TTC14: variants seen among roughly 807,000 people sequenced by gnomAD.
The protein encoded by TTC14 is tetratricopeptide repeat protein 14.
A neutral mutation model predicts 79.9 loss-of-function variants in TTC14; 63 were observed. The ratio of observed to expected loss-of-function variants is 0.79; its 90% CI spans 0.64 to 0.97. The LOEUF is 0.97. TTC14 is among the 50% of genes least tolerant of loss of function. The pLI, the probability that TTC14 is intolerant of heterozygous loss-of-function variation, is 0.00. For missense variants in TTC14, 895 were observed against 894.0 expected (o/e 1.00, Z -0.01); for synonymous variants, 335 against 309.6 (o/e 1.08, Z -0.86).
intron 1 of TTC14, 40 bp downstream of exon 1, chr3:180,602,462 A>T (rs775515346): frequency 1.3e-6 from 2 of 1,553,080 alleles, no homozygotes; most frequent in South Asian, 2.3e-5. Context: ...GGAAGAGGGG[A>T]CGCAGCTCTG....
downstream of TTC14, chr3:180,614,247 T>C (rs1207828983): frequency 6.3e-6 from 1 of 158,410 alleles, no homozygotes; most frequent in Admixed American, 6.2e-5. Flanking sequence ...TGGCTGTATC[T>C]GAAAGCAAAT....
chr3:180,602,207 A>C lies in TTC14; in HGVS notation c.-55A>C, dbSNP rs200543188. ...CTGTACCACCCGGCTCAAGTAGCGG[A>C]CACGGAACAGGGAACTATCAGCCCG... is the stretch of plus-strand genomic sequence containing the variant. On this transcript the variant is annotated 5_prime_UTR_variant, in exon 1 of 12. Coordinates refer to ENST00000296015, the MANE Select transcript of TTC14 (RefSeq NM_133462.4). 1.3e-6 allele frequency: 2 copies of C among 1,593,668 alleles called. No individual in the cohort carries two copies. Among genetic ancestry groups the C allele is most frequent in the Non-Finnish European group, 8.5e-7 (1 of 1,169,978 alleles).
downstream of TTC14, among the ~76,000 whole-genome samples, chr3:180,615,966 G>T (rs1257198924): frequency 6.6e-6 from 1 of 152,126 alleles, no homozygotes; most frequent in Admixed American, 6.6e-5. Context: ...CAACTTGGGG[G>T]TTCACCCCCA....
In TTC14 at chr3:180,610,206, A is replaced by G. The variant is rs1417937196; in HGVS notation, c.1977A>G (p.Arg659=). Residue 659 remains arginine (R), a synonymous_variant, in exon 12 of 12, where the codon AGA becomes AGG. Transcript: ENST00000296015. The part of the protein sequence containing the change: ...KDIEGRKEHY[R]RWEPGSVRHS... Reference sequence around the variant, plus strand: ...TAGAGGGAAGAAAAGAGCACTATAGAAGGTGGGAACCAGGTTCTGTGAGGC... The same window carrying G: ...TAGAGGGAAGAAAAGAGCACTATAGGAGGTGGGAACCAGGTTCTGTGAGGC... 2 of 1,614,030 alleles carry G rather than the reference A, an allele frequency of 1.2e-6. No individual in the cohort carries two copies. The highest frequency in any genetic ancestry group is 2.7e-5 in the African/African-American group (2 of 75,048).
chr3:180,609,030 T>A, intron 11 of TTC14: 6 of 1,031,962 alleles, frequency 5.8e-6, no homozygotes, highest in Non-Finnish European at 7.1e-6. Flanking sequence ...TATCTTAGAA[T>A]TAAAATATAG....
intron 2 of TTC14, 53 bp downstream of exon 2, chr3:180,603,068 A>G: frequency 6.2e-7 from 1 of 1,610,888 alleles, no homozygotes; most frequent in Non-Finnish European, 8.5e-7. Flanking sequence ...ACAGTACTTC[A>G]GGTGAAACGG....
In TTC14 at chr3:180,609,622, T is replaced by A; in HGVS notation, c.1401-8T>A. ...GTATATATATGACAAATGAACTGTT[T>A]TTTTTAGGCTAAAGAAGAAAAGAAG... On this transcript the variant is annotated splice_region_variant and splice_polypyrimidine_tract_variant and intron_variant, in intron 11 of 11. Coordinates refer to ENST00000296015, the MANE Select transcript of TTC14 (RefSeq NM_133462.4). The A allele has an allele frequency of 6.5e-7, 1 of 1,535,772 alleles. No homozygotes were observed. Among genetic ancestry groups the A allele is most frequent in the Non-Finnish European group, 8.7e-7 (1 of 1,148,288 alleles).
chr3:180,610,004 G>A lies in TTC14; in HGVS notation c.1775G>A (p.Gly592Asp). 1.2e-6 allele frequency: 2 copies of A among 1,614,016 alleles called. No homozygotes were observed. The highest frequency in any genetic ancestry group is 1.7e-6 in the Non-Finnish European group (2 of 1,179,938). ...SSLEIPDDFG[G>D]RSEDPRDFYN... ...CTTGAAATACCGGATGATTTTGGAG[G>A]TAGGTCTGAAGATCCAAGAGATTTT... Residue 592 changes from glycine to aspartate, a missense_variant, in exon 12 of 12, where the codon GGT becomes GAT. Physicochemically the swap from Gly to Asp is moderately conservative, Grantham distance 94 (BLOSUM62 -1). Coordinates refer to ENST00000296015, the MANE Select transcript of TTC14 (RefSeq NM_133462.4).
Position 180,610,123 on chromosome 3 carries a change from T to G in TTC14, c.1894T>G (p.Ser632Ala). The G allele has an allele frequency of 6.2e-7, 1 of 1,613,094 alleles. No homozygotes were observed. ...TTCCAGTAGAAGAAATTCCTCAGAT[T>G]CCTTCTGTAGGAATTCAGAGGACAA... ...HFSSRRNSSDSFCRNSEDKIY... is the reference protein window; with the variant it reads ...HFSSRRNSSDAFCRNSEDKIY... The change falls in exon 12 of 12, where the codon TCC (serine) becomes GCC (alanine). Residue 632 changes from serine (S) to alanine (A), a missense_variant. Coordinates refer to ENST00000296015, the MANE Select transcript of TTC14 (RefSeq NM_133462.4).
In TTC14 at chr3:180,610,527, T is replaced by TAA. The variant is rs1716946238; in HGVS notation, c.2299_2300dup (p.Lys769GlnfsTer29). The TAA allele has an allele frequency of 6.4e-7, 1 of 1,571,586 alleles. No individual in the cohort carries two copies. ...CTGAATTTGAAAAAGAAAAAGGAAA[T>TAA]AAGTCAAAAAATTAATACACCAAGG... On this transcript the variant is annotated frameshift_variant, in exon 12 of 12. Coordinates refer to ENST00000296015, the MANE Select transcript of TTC14 (RefSeq NM_133462.4). LOFTEE classifies it high-confidence loss of function.
chr3:180,617,203 G>T (rs1717278853), intron 12 of TTC14, among the ~76,000 whole-genome samples: 1 of 152,038 alleles, frequency 6.6e-6, no homozygotes, highest in Admixed American at 6.6e-5. Context: ...ATTGTAATGT[G>T]GCACAATACA....
At position 180,610,542 on chromosome 3, in the gene TTC14, A is replaced by G; in HGVS notation, c.2313A>G (p.Ter771=). ...EKEKGNKSKN[*] ...AAAAAGGAAATAAGTCAAAAAATTA[A>G]TACACCAAGGATATCGGCACCATTA... The change falls in exon 12 of 12, where the codon TAA becomes TAG. Residue 771 remains the stop codon, a stop_retained_variant. Coordinates refer to ENST00000296015, the MANE Select transcript of TTC14 (RefSeq NM_133462.4). 2 of 1,564,008 alleles carry G rather than the reference A, an allele frequency of 1.3e-6. No homozygotes were observed. The highest frequency in any genetic ancestry group is 2.2e-5 in the East Asian group (1 of 44,654).
Position 180,602,165 on chromosome 3 carries a change from A to T in TTC14, c.-97A>T. ...TCTGTGTACTTCCGGCAGCCTCCAGACAGTTTCTTCCGCTTCCTGTACCAC... is the reference window on the plus strand; with the variant it reads ...TCTGTGTACTTCCGGCAGCCTCCAGTCAGTTTCTTCCGCTTCCTGTACCAC... On this transcript the variant is annotated 5_prime_UTR_variant, in exon 1 of 12. Transcript: ENST00000296015. 2.0e-6 allele frequency: 3 copies of T among 1,490,116 alleles called. No homozygotes were observed. The highest frequency in any genetic ancestry group is 2.7e-6 in the Non-Finnish European group (3 of 1,100,306). 92.3% of individuals were successfully genotyped at this position (1,490,116 alleles called of 1,614,324 possible).
chr3:180,609,950 AAGAT>A lies in TTC14; in HGVS notation c.1726_1729del (p.Arg576AlafsTer75), dbSNP rs1716901398. 1.2e-6 allele frequency: 2 copies of A among 1,614,040 alleles called. No individual in the cohort carries two copies. Among genetic ancestry groups the A allele is most frequent in the Non-Finnish European group, 1.7e-6 (2 of 1,179,944 alleles). ...TATGAAAAGACACAGATAAAAGAGA[AAGAT>A]AGATGCCCTCTCTCTTCATCTTCAC... On this transcript the variant is annotated frameshift_variant, in exon 12 of 12. Transcript: ENST00000296015. LOFTEE classifies it high-confidence loss of function.
Position 180,616,509 on chromosome 3 carries a change from G to T in TTC14, c.1775-871G>T, listed in dbSNP as rs753859178. On this transcript the variant is annotated intron_variant, in intron 12 of 12. Transcript: ENST00000382584. ...TAAGAAATATTTAATAGAAGGTGCT[G>T]TATTACCTGTTGAAAGTATGTTTGA... is the stretch of plus-strand genomic sequence containing the variant. 9 of 1,536,222 alleles carry T rather than the reference G, an allele frequency of 5.9e-6. No individual in the cohort carries two copies. The highest frequency in any genetic ancestry group is 1.8e-4 in the Middle Eastern group (1 of 5,608).
At chr3:180,605,739 C>T in intron 6 of TTC14, 27 bp from the exon 7 acceptor site, 1 of 1,538,086 alleles carries the variant, frequency 6.5e-7, no homozygotes, top group Non-Finnish European at 8.8e-7. Flanking sequence ...TGTGGTTTAA[C>T]TTTTTAATTT....
chr3:180,604,439 C>T (rs777465373), intron 4 of TTC14, 39 bp from the exon 5 acceptor site: 1 of 1,564,468 alleles, frequency 6.4e-7, no homozygotes, highest in South Asian at 1.2e-5. Flanking sequence ...TTTACATTTT[C>T]TTACTAATCA....
At chr3:180,608,549 TTA>T in intron 10 of TTC14, 150 bp from the exon 11 acceptor site, 1 of 1,260,672 alleles carries the variant, frequency 7.9e-7, no homozygotes, top group Non-Finnish European at 1.0e-6. Flanking sequence ...ACTAATTTTT[TTA>T]TGTTAAAAAA....
rs753301022 is a variant in TTC14, at chr3:180,608,787, T to C, written c.1377T>C (p.Arg459=). The C allele has an allele frequency of 1.8e-5, 28 of 1,552,700 alleles. No homozygotes were observed. Among genetic ancestry groups the C allele is most frequent in the Non-Finnish European group, 2.3e-5 (27 of 1,154,650 alleles). Residue 459 remains arginine, a synonymous_variant, in exon 11 of 12, where the codon CGT becomes CGC. Coordinates refer to ENST00000296015, the MANE Select transcript of TTC14 (RefSeq NM_133462.4). ...KKIETSAEKL[R]KLLKEEKRLK... is the part of the protein sequence containing the mutation. ...TAGAAACAAGTGCAGAAAAGTTGCG[T>C]AAGCTCTTAAAAGAAGAGAAGAGGT...
Sources: allele counts gnomAD v4.1 joint callset (sites outside exome capture counted in the v4.1 genomes callset), GRCh38; gene constraint gnomAD v4.1.1; transcripts MANE v1.5; gene names NCBI Gene and HGNC (gene_info 2026-07-23, HGNC 2026-07-21).